Variants in PEAK1 observed in about 807,000 individuals in gnomAD.
The protein encoded by PEAK1 is inactive tyrosine-protein kinase PEAK1.
Under a neutral mutation model 124.7 loss-of-function variants are expected in PEAK1, and 54 were observed. The observed-to-expected ratio is 0.43, with a 90% confidence interval of 0.35 to 0.54. The LOEUF (loss-of-function observed/expected upper bound fraction) is 0.54. PEAK1 is among the 20% of genes least tolerant of loss of function. The probability of loss-of-function intolerance (pLI) is 0.01; values close to 1 mark genes in which losing one functional copy is unlikely to be tolerated. For synonymous variants in PEAK1, 719 were observed against 760.0 expected (o/e 0.95, Z 0.89); for missense variants, 2,046 against 2,134.5 (o/e 0.96, Z 0.82).
At chr15:77,160,722 T>G (rs1239520887) in intron 7 of PEAK1, among the ~76,000 whole-genome samples, 3 of 152,066 alleles carry the variant, frequency 2.0e-5, no homozygotes, top group Non-Finnish European at 4.4e-5. Context: ...ATGTTAAAGC[T>G]CCAGACATTT....
At position 77,180,890 on chromosome 15, in the gene PEAK1, G is replaced by T. The variant is rs754087669; in HGVS notation, c.1037C>A (p.Ser346Tyr). The change falls in exon 7 of 10, where the codon TCT (serine) becomes TAT (tyrosine). Residue 346 changes from serine to tyrosine, a missense_variant. Transcript: ENST00000682557. ...AGAACGTGATTCTTCTGTTAAAGAA[G>T]AATCTGGTGATGTGGAGTCAGATGA... ...MVSSDSTSPD[S>Y]SLTEESRSET... The T allele has an allele frequency of 6.2e-7, 1 of 1,614,074 alleles. No individual in the cohort carries two copies. Among genetic ancestry groups the T allele is most frequent in the Non-Finnish European group, 8.5e-7 (1 of 1,180,000 alleles).
At position 77,180,918 on chromosome 15, in the gene PEAK1, C is replaced by T. The variant is rs2057225865; in HGVS notation, c.1009G>A (p.Val337Met). ...TCTGGTGATGTGGAGTCAGATGACA[C>T]CATGCTCTGAATGCTTCCTTGTCCA... Reference protein sequence around the residue: ...SYGQGSIQSMVSSDSTSPDSS... With the variant: ...SYGQGSIQSMMSSDSTSPDSS... Residue 337 changes from valine to methionine, a missense_variant, in exon 7 of 10, where the codon GTG (valine) becomes ATG (methionine). Physicochemically the swap from Val to Met is conservative, Grantham distance 21. Coordinates refer to ENST00000682557, the MANE Select transcript of PEAK1 (RefSeq NM_001385026.1). 5.6e-6 allele frequency: 9 copies of T among 1,614,092 alleles called. No homozygotes were observed. Among genetic ancestry groups the T allele is most frequent in the East Asian group, 2.2e-5 (1 of 44,860 alleles).
chr15:77,355,952 C>A, intron 2 of PEAK1: 1 of 984,028 alleles, frequency 1.0e-6, no homozygotes, highest in Non-Finnish European at 1.2e-6. Context: ...AGGCCTGAGA[C>A]AAGAGGCAGT....
chr15:77,181,043 G>A lies in PEAK1; in HGVS notation c.884C>T (p.Pro295Leu), dbSNP rs2057235304. Residue 295 changes from proline (P) to leucine (L), a missense_variant, in exon 7 of 10, where the codon CCC (proline) becomes CTC (leucine). Physicochemically the swap from Pro to Leu is moderately conservative, Grantham distance 98. Coordinates refer to ENST00000682557, the MANE Select transcript of PEAK1 (RefSeq NM_001385026.1). ...FFVDKKWNTI[P>L]LRNKSLQRIC... ...TCTCTGCAGAGACTTGTTTCGCAGG[G>A]GGATGGTATTCCATTTTTTGTCCAC... is the stretch of plus-strand genomic sequence containing the variant. The A allele has an allele frequency of 6.2e-7, 1 of 1,614,122 alleles. No individual in the cohort carries two copies. The highest frequency in any genetic ancestry group is 1.3e-5 in the African/African-American group (1 of 75,032).
chr15:77,362,817 G>A (rs995374503), intron 2 of PEAK1, among the ~76,000 whole-genome samples: 1 of 150,708 alleles, frequency 6.6e-6, no homozygotes, highest in Non-Finnish European at 1.5e-5. Flanking sequence ...AGATATTGTG[G>A]ATGAAAAAAA....
At chr15:77,120,933 A>C (rs2051856602) in intron 9 of PEAK1, among the ~76,000 whole-genome samples, 1 of 152,106 alleles carries the variant, frequency 6.6e-6, no homozygotes, top group Non-Finnish European at 1.5e-5. Flanking sequence ...ACTTCTTTTA[A>C]AGCCCTTCTC....
chr15:77,216,792 A>G lies in PEAK1; in HGVS notation c.-114-34752T>C, dbSNP rs369873583. Among the ~76,000 whole-genome samples the G allele has an allele frequency of 2.0e-5, 3 of 152,322 alleles. No individual in the cohort carries two copies. The South Asian group carries it at 6.2e-4, about 32-fold the overall frequency. On this transcript the variant is annotated intron_variant, in intron 6 of 9. Transcript: ENST00000682557. ...TAAAGTTGAGCAAACTTGCCACTCA[A>G]CGGGGGCCAAAACCATTACTCCTAG...
chr15:77,257,679 C>T lies in PEAK1; in HGVS notation c.-274-5153G>A, dbSNP rs2152932913. 2.0e-5 allele frequency among the ~76,000 whole-genome samples: 3 copies of T among 151,712 alleles called. 1 individual carries two copies. The highest frequency in any genetic ancestry group is 3.4e-3 in the Middle Eastern group (1 of 294). On this transcript the variant is annotated intron_variant, in intron 5 of 9. Transcript: ENST00000682557. ...AAATTCTCTCCCATTTTGTAGGTTG[C>T]CTGTTCACTCTGATGGTAGTTTCTT...
chr15:77,165,962 T>C (rs538994798), intron 7 of PEAK1, among the ~76,000 whole-genome samples: 1 of 152,296 alleles, frequency 6.6e-6, no homozygotes. Flanking sequence ...TAAGGCAAGC[T>C]TGGCATACTG....
intron 2 of PEAK1, among the ~76,000 whole-genome samples, chr15:77,327,501 C>T (rs1219558501): frequency 6.6e-6 from 1 of 151,958 alleles, no homozygotes. Flanking sequence ...AAGCAGATAA[C>T]TACGAAACAA....
chr15:77,379,994 T>C (rs1338447762), intron 1 of PEAK1, among the ~76,000 whole-genome samples: 1 of 152,204 alleles, frequency 6.6e-6, no homozygotes. Flanking sequence ...ACTCACTGAA[T>C]TTCTTTACTA....
chr15:77,283,357 G>C (rs2062767130), intron 5 of PEAK1, among the ~76,000 whole-genome samples: 3 of 152,036 alleles, frequency 2.0e-5, no homozygotes, highest in Admixed American at 2.0e-4. Flanking sequence ...AGAACAACTG[G>C]AGATTGTATT....
chr15:77,401,415 G>T (rs759898754), intron 1 of PEAK1: 69 of 751,292 alleles, frequency 9.2e-5, no homozygotes, highest in Non-Finnish European at 1.0e-4. Context: ...ACTTTTTCTT[G>T]TTCTTTCAAC....
intron 1 of PEAK1, chr15:77,370,748 CGA>C (rs2068578711): frequency 3.0e-6 from 3 of 984,898 alleles, no homozygotes; most frequent in Non-Finnish European, 3.6e-6. Context: ...TCCAACACAT[CGA>C]GCCAGGCACG....
rs2051005166 is a variant in PEAK1, at chr15:77,112,027, G to T, written c.*2129C>A. The T allele has an allele frequency of 6.6e-6, 1 of 152,240 alleles. No individual in the cohort carries two copies. Among genetic ancestry groups the T allele is most frequent in the Non-Finnish European group, 1.5e-5 (1 of 68,114 alleles). 9.4% of individuals were successfully genotyped at this position (152,240 alleles called of 1,614,324 possible). On this transcript the variant is annotated 3_prime_UTR_variant, in exon 10 of 10. Coordinates refer to ENST00000682557, the MANE Select transcript of PEAK1 (RefSeq NM_001385026.1). ...GATGAACCAAACACCAACCTTCAAG[G>T]CAAGGCGCGGCCATGCCACAGGACA...
In PEAK1 at chr15:77,181,216, T is replaced by C. The variant is rs368545880; in HGVS notation, c.711A>G (p.Glu237=). ...YPEFSSGEES[E]EDVLFSNMEE... is the part of the protein sequence containing the mutation. ...CCATGTTACTGAAAAGTACATCCTC[T>C]TCACTCTCCTCGCCACTGGAAAACT... The change falls in exon 7 of 10, where the codon GAA becomes GAG. Residue 237 remains glutamate (E), a synonymous_variant. Transcript: ENST00000682557. 6.8e-6 allele frequency: 11 copies of C among 1,613,964 alleles called. No individual in the cohort carries two copies. The highest frequency in any genetic ancestry group is 1.3e-5 in the African/African-American group (1 of 75,048).
chr15:77,381,280 T>C lies in PEAK1; in HGVS notation c.-665-16055A>G, dbSNP rs1014685560. 7.4e-6 allele frequency: 7 copies of C among 943,554 alleles called. No homozygotes were observed. In the Admixed American group the frequency reaches 4.3e-4, roughly 58 times the overall value. The allele number at this position is 943,554 out of a possible 1,614,324, so 58.4% of individuals were successfully genotyped here. On this transcript the variant is annotated intron_variant, in intron 1 of 9. Transcript: ENST00000682557. ...AGAATACAGCAATGGCCAGATGCAG[T>C]GATGTGTACTTGTAGTTCAAGTTAC... is the stretch of plus-strand genomic sequence containing the variant.
chr15:77,271,745 C>T (rs1438067606), intron 5 of PEAK1, among the ~76,000 whole-genome samples: 1 of 152,060 alleles, frequency 6.6e-6, no homozygotes, highest in African/African-American at 2.4e-5. Context: ...AACACTTGGA[C>T]ACAGGAAGGA....
intron 5 of PEAK1, among the ~76,000 whole-genome samples, chr15:77,256,717 A>AT (rs889628800): frequency 7.9e-5 from 12 of 151,718 alleles, no homozygotes; most frequent in African/African-American, 2.2e-4. Flanking sequence ...TCTATGGCTA[A>AT]TTTTTTTTAA....
Sources: gnomAD v4.1 joint callset for allele counts (sites outside exome capture counted in the v4.1 genomes callset) on GRCh38, gnomAD v4.1.1 for gene constraint, MANE v1.5 for transcripts, NCBI Gene and HGNC (gene_info 2026-07-23, HGNC 2026-07-21) for gene names.